SLC9A2: variants seen among roughly 807,000 people sequenced by gnomAD.
The protein encoded by SLC9A2 is sodium/hydrogen exchanger 2.
A neutral mutation model predicts 71.7 loss-of-function variants in SLC9A2; 42 were observed. That is an observed-to-expected ratio of 0.59 (90% confidence interval 0.46 to 0.76). The LOEUF (loss-of-function observed/expected upper bound fraction) is 0.76. SLC9A2 is among the 30% of genes least tolerant of loss of function. SLC9A2 has a pLI of 0.00. For synonymous variants in SLC9A2, 396 were observed against 392.5 expected (o/e 1.01, Z -0.10); for missense variants, 829 against 1,017.4 (o/e 0.81, Z 2.52).
chr2:102,708,189 C>T lies in SLC9A2; in HGVS notation c.2139C>T (p.Arg713=). The T allele has an allele frequency of 1.2e-6, 2 of 1,614,152 alleles. No individual in the cohort carries two copies. The change falls in exon 12 of 12, where the codon CGC becomes CGT. Residue 713 remains arginine, a synonymous_variant. Coordinates refer to ENST00000233969, the MANE Select transcript of SLC9A2 (RefSeq NM_003048.6). ...TVLNLQPRAR[R]FLPEQFSKKS... ...TCAATTTGCAGCCCAGAGCCAGGCG[C>T]TTCTTGCCAGAACAGTTCTCCAAGA...
intron 1 of SLC9A2, among the ~76,000 whole-genome samples, chr2:102,648,242 C>A (rs182049028): frequency 7.2e-5 from 11 of 152,192 alleles, no homozygotes; most frequent in African/African-American, 2.4e-4. Context: ...TGACAAAAAC[C>A]ACATGATTAT....
In SLC9A2 at chr2:102,711,205, C is replaced by A. The variant is rs1044893086; in HGVS notation, c.*2716C>A. 8 of 152,266 alleles carry A rather than the reference C, an allele frequency of 5.3e-5. No individual in the cohort carries two copies. Among genetic ancestry groups the A allele is most frequent in the African/African-American group, 9.7e-5 (4 of 41,416 alleles). The allele number at this position is 152,266 out of a possible 1,614,324, so 9.4% of individuals were successfully genotyped here. On this transcript the variant is annotated 3_prime_UTR_variant, in exon 12 of 12. Transcript: ENST00000233969. ...CACGTTTTGCATTTATTGTACTGCC[C>A]AAATTGTTTTTATGTTAAAAGTCAC... is the stretch of plus-strand genomic sequence containing the variant.
At chr2:102,628,436 T>C (rs1676291914) in intron 1 of SLC9A2, among the ~76,000 whole-genome samples, 1 of 152,138 alleles carries the variant, frequency 6.6e-6, no homozygotes, top group Non-Finnish European at 1.5e-5. Flanking sequence ...GAATGCTTCA[T>C]GAACTAAAAT....
At chr2:102,681,889 G>A (rs1432869445) in intron 3 of SLC9A2, among the ~76,000 whole-genome samples, 3 of 152,260 alleles carry the variant, frequency 2.0e-5, no homozygotes, top group East Asian at 1.9e-4. Flanking sequence ...AGACGTGTTC[G>A]TGGTGACCTG....
intron 2 of SLC9A2, among the ~76,000 whole-genome samples, chr2:102,662,589 C>G (rs1046424659): frequency 6.6e-6 from 1 of 152,118 alleles, no homozygotes; most frequent in African/African-American, 2.4e-5. Flanking sequence ...CTGGGGGCAA[C>G]AGCAGCTTCA....
Position 102,708,376 on chromosome 2 carries a change from G to A in SLC9A2, c.2326G>A (p.Glu776Lys). The A allele has an allele frequency of 1.2e-6, 2 of 1,614,228 alleles. No homozygotes were observed. Among genetic ancestry groups the A allele is most frequent in the Non-Finnish European group, 1.7e-6 (2 of 1,180,038 alleles). Residue 776 changes from glutamate to lysine, a missense_variant, in exon 12 of 12, where the codon GAG becomes AAG. Physicochemically the swap from Glu to Lys is moderately conservative, Grantham distance 56 (BLOSUM62 1). Transcript: ENST00000233969. ...TCTCTCTAAAGACCAGTCTGGCTCA[G>A]AGAGGGAAGACAGTTTGACTGAAGG... is the stretch of plus-strand genomic sequence containing the variant. ...PLLSKDQSGSEREDSLTEGIP... is the reference protein window; with the variant it reads ...PLLSKDQSGSKREDSLTEGIP...
intron 1 of SLC9A2, among the ~76,000 whole-genome samples, chr2:102,639,695 C>T (rs1191958159): frequency 6.6e-6 from 1 of 152,226 alleles, no homozygotes; most frequent in Non-Finnish European, 1.5e-5. Flanking sequence ...CCATTAAACA[C>T]TTACTCCCTG....
chr2:102,619,634 C>G lies in SLC9A2; in HGVS notation c.-215C>G, dbSNP rs1048651241. 7.0e-6 allele frequency: 3 copies of G among 426,808 alleles called. No individual in the cohort carries two copies. The highest frequency in any genetic ancestry group is 2.1e-5 in the African/African-American group (1 of 48,458). 26.4% of individuals were successfully genotyped at this position (426,808 alleles called of 1,614,324 possible). ...GCTGAGGGTACGCGCAGCGGCCTCT[C>G]GTCGCCCTGCACGTGCCTCGCCAGG... On this transcript the variant is annotated 5_prime_UTR_variant, in exon 1 of 12. Coordinates refer to ENST00000233969, the MANE Select transcript of SLC9A2 (RefSeq NM_003048.6). The surrounding 1 kb of genome is among the most constrained non-coding windows in gnomAD (Gnocchi z 4.3).
chr2:102,673,788 C>CT (rs773324787), intron 3 of SLC9A2, among the ~76,000 whole-genome samples: 6,980 of 141,510 alleles, frequency 0.049, 204 homozygotes, highest in Middle Eastern at 0.073. Context: ...GAAATAAATA[C>CT]TTTTTTTTTT....
intron 1 of SLC9A2, among the ~76,000 whole-genome samples, chr2:102,636,475 AGTG>A (rs1676470663): frequency 2.0e-5 from 3 of 152,212 alleles, no homozygotes; most frequent in Admixed American, 2.0e-4. Context: ...ATTTTGAGCA[AGTG>A]GTAAATTTGC....
intron 2 of SLC9A2, 84 bp from the exon 3 acceptor site, chr2:102,665,016 A>G: frequency 3.6e-6 from 5 of 1,387,856 alleles, no homozygotes; most frequent in Non-Finnish European, 4.9e-6. Context: ...CCTTATTAGA[A>G]GTCCAGGTAG....
chr2:102,664,445 GCACACACA>G (rs58155284), intron 2 of SLC9A2, among the ~76,000 whole-genome samples: 4 of 147,964 alleles, frequency 2.7e-5, no homozygotes, highest in African/African-American at 7.5e-5. Context: ...TTCAGCAGAT[GCACACACA>G]CACACACACA....
intron 3 of SLC9A2, among the ~76,000 whole-genome samples, chr2:102,681,335 C>T (rs1244024527): frequency 1.3e-5 from 2 of 150,720 alleles, no homozygotes; most frequent in Non-Finnish European, 2.9e-5. Context: ...GCCTCCCAAA[C>T]TGCTGGGATG....
intron 1 of SLC9A2, among the ~76,000 whole-genome samples, chr2:102,639,718 T>C (rs1217158745): frequency 6.6e-6 from 1 of 151,824 alleles, no homozygotes; most frequent in Non-Finnish European, 1.5e-5. Context: ...ACCTCCTCCC[T>C]TGAGCCCCTG....
At chr2:102,640,957 A>C (rs563782634) in intron 1 of SLC9A2, among the ~76,000 whole-genome samples, 11 of 152,322 alleles carry the variant, frequency 7.2e-5, no homozygotes, top group African/African-American at 2.6e-4. Context: ...CGAAGACTGA[A>C]TATTATAACA....
intron 10 of SLC9A2, among the ~76,000 whole-genome samples, chr2:102,705,598 G>C (rs772563509): frequency 6.6e-6 from 1 of 152,070 alleles, no homozygotes; most frequent in Admixed American, 6.5e-5. Flanking sequence ...AGACCCAGTG[G>C]TTTTCATATT....
chr2:102,705,755 A>G, intron 10 of SLC9A2, 91 bp from the exon 11 acceptor site: 3 of 689,474 alleles, frequency 4.4e-6, no homozygotes, highest in Non-Finnish European at 4.6e-6. Context: ...TCTGATTTTT[A>G]ACATGAAGTT....
At chr2:102,670,546 T>C (rs887685226) in intron 3 of SLC9A2, among the ~76,000 whole-genome samples, 2 of 145,380 alleles carry the variant, frequency 1.4e-5, no homozygotes, top group African/African-American at 5.1e-5. Flanking sequence ...CCTGACCCTG[T>C]GTCCCCAGTT....
chr2:102,685,254 G>A (rs1409779267), intron 5 of SLC9A2, among the ~76,000 whole-genome samples: 9 of 152,222 alleles, frequency 5.9e-5, no homozygotes. Context: ...GGCCAGTGTG[G>A]CTGGAGTGGC....
Sources: gnomAD v4.1 joint callset for allele counts (sites outside exome capture counted in the v4.1 genomes callset) on GRCh38, gnomAD v4.1.1 for gene constraint, Gnocchi (gnomAD v3.1) non-coding constraint, MANE v1.5 for transcripts, NCBI Gene and HGNC (gene_info 2026-07-23, HGNC 2026-07-21) for gene names.